ANKRD28: variants seen among roughly 807,000 people sequenced by gnomAD.
ANKRD28 encodes ankyrin repeat domain 28, also known as serine/threonine-protein phosphatase 6 regulatory ankyrin repeat subunit A.
A neutral mutation model predicts 126.5 loss-of-function variants in ANKRD28; 44 were observed. The ratio of observed to expected loss-of-function variants is 0.35; its 90% confidence interval spans 0.27 to 0.45. The LOEUF (loss-of-function observed/expected upper bound fraction) is 0.45, where lower values mean the gene tolerates loss of function less well. Among genes scored for constraint, ANKRD28 ranks in the 20% least tolerant of loss-of-function variants. ANKRD28 has a pLI of 1.00. For synonymous variants in ANKRD28, 442 were observed against 468.5 expected (o/e 0.94, Z 0.73); for missense variants, 1,110 against 1,316.6 (o/e 0.84, Z 2.43).
chr3:15,682,138 T>C (rs1387797480), intron 21 of ANKRD28, among the ~76,000 whole-genome samples: 2 of 152,180 alleles, frequency 1.3e-5, no homozygotes, highest in South Asian at 2.1e-4. Context: ...AAATTAGCTA[T>C]GAAGAGATGT....
intron 4 of ANKRD28, among the ~76,000 whole-genome samples, chr3:15,748,279 C>T (rs1476879423): frequency 6.6e-6 from 1 of 152,032 alleles, no homozygotes. Flanking sequence ...ATTATTGTTA[C>T]ATAGGTCTTG....
intron 6 of ANKRD28, 140 bp downstream of exon 6, chr3:15,735,270 G>T (rs2074940692): frequency 1.7e-6 from 1 of 600,106 alleles, no homozygotes; most frequent in East Asian, 3.1e-5. Flanking sequence ...TACCAGGGTT[G>T]TTCTACCTGG....
intron 18 of ANKRD28, among the ~76,000 whole-genome samples, chr3:15,687,036 T>C (rs2068210610): frequency 1.3e-5 from 2 of 151,458 alleles, no homozygotes; most frequent in Non-Finnish European, 2.9e-5. Flanking sequence ...TTCCGCCTCC[T>C]GGGTTCAAGC....
intron 2 of ANKRD28, among the ~76,000 whole-genome samples, chr3:15,770,415 T>C (rs538937703): frequency 4.7e-5 from 6 of 127,984 alleles, no homozygotes; most frequent in African/African-American, 2.2e-4. Context: ...TATATATACA[T>C]ATATATATAT....
At chr3:15,692,260 G>T (rs2068911213) in intron 17 of ANKRD28, among the ~76,000 whole-genome samples, 1 of 151,988 alleles carries the variant, frequency 6.6e-6, no homozygotes, top group Non-Finnish European at 1.5e-5. Flanking sequence ...AGACTAGCCT[G>T]GGCAACAGTG....
intron 1 of ANKRD28, among the ~76,000 whole-genome samples, chr3:15,825,565 A>G (rs961876737): frequency 6.8e-6 from 1 of 147,168 alleles, no homozygotes; most frequent in African/African-American, 2.7e-5. Context: ...GAAGAAACAG[A>G]ATATTTTTTA....
At chr3:15,741,061 G>C (rs528722705) in intron 4 of ANKRD28, among the ~76,000 whole-genome samples, 13 of 152,056 alleles carry the variant, frequency 8.5e-5, no homozygotes, top group African/African-American at 2.7e-4. Context: ...TAGCCAGGTG[G>C]GGGGGCGGGC....
intron 4 of ANKRD28, among the ~76,000 whole-genome samples, chr3:15,741,702 T>G (rs1213342662): frequency 4.1e-5 from 1 of 24,216 alleles, no homozygotes; most frequent in Non-Finnish European, 9.3e-5. Flanking sequence ...CTATCCTTTT[T>G]TTTTTTTTTT....
intron 4 of ANKRD28, among the ~76,000 whole-genome samples, chr3:15,750,403 A>G (rs2057782819): frequency 6.6e-6 from 1 of 152,216 alleles, no homozygotes; most frequent in Non-Finnish European, 1.5e-5. Flanking sequence ...CTTAGTTTTT[A>G]TAATTCCTAG....
intron 16 of ANKRD28, 79 bp downstream of exon 16, chr3:15,695,109 G>A (rs2069342983): frequency 8.6e-7 from 1 of 1,159,700 alleles, no homozygotes; most frequent in African/African-American, 1.5e-5. Flanking sequence ...CAGCTCTAAT[G>A]AGAGCAAACA....
intron 1 of ANKRD28, among the ~76,000 whole-genome samples, chr3:15,851,718 T>C (rs1156568121): frequency 6.6e-6 from 1 of 152,208 alleles, no homozygotes; most frequent in African/African-American, 2.4e-5. Context: ...GCAGCCACTC[T>C]AGAAAACAGA....
intron 1 of ANKRD28, among the ~76,000 whole-genome samples, chr3:15,836,784 T>C (rs1170663637): frequency 6.6e-6 from 1 of 152,118 alleles, no homozygotes; most frequent in African/African-American, 2.4e-5. Flanking sequence ...CATAAACATA[T>C]GGAGCTAACA....
At chr3:15,734,235 G>C (rs971521344) in intron 6 of ANKRD28, among the ~76,000 whole-genome samples, 20 of 152,188 alleles carry the variant, frequency 1.3e-4, no homozygotes, top group African/African-American at 4.6e-4. Flanking sequence ...ATATATGAGG[G>C]ATGGACTATA....
In ANKRD28 at chr3:15,763,340, C is replaced by G. The variant is rs1251013122; in HGVS notation, c.280+2894G>C. 5.9e-5 allele frequency among the ~76,000 whole-genome samples: 9 copies of G among 152,130 alleles called. 1 individual carries two copies. Among genetic ancestry groups the G allele is most frequent in the Non-Finnish European group, 1.3e-4 (9 of 68,012 alleles). ...TCCATTAAAGACTTGAGAAACAAAC[C>G]AAAATGTAAACAAATTTCTGAAAAG... On this transcript the variant is annotated intron_variant, in intron 3 of 27. Transcript: ENST00000683139.
Position 15,695,147 on chromosome 3 carries a change from G to T in ANKRD28, c.1686+41C>A. 2.7e-6 allele frequency: 4 copies of T among 1,488,098 alleles called. No homozygotes were observed. In the South Asian group the frequency reaches 4.7e-5, roughly 17 times the overall value. 92.2% of individuals were successfully genotyped at this position (1,488,098 alleles called of 1,614,324 possible). On this transcript the variant is annotated intron_variant, in intron 16 of 27. Transcript: ENST00000683139. ...TAAACATAACTGGTAGGAGGGAACT[G>T]ACCAATACTAATTGGTGGGAGGGAA...
In ANKRD28 at chr3:15,845,499, T is replaced by G. The variant is rs929610805; in HGVS notation, c.27+13878A>C. On this transcript the variant is annotated intron_variant, in intron 1 of 27. Transcript: ENST00000399451. This position sits in a 1 kb window ranked among gnomAD's most constrained non-coding sequence, Gnocchi z 4.9. Reference sequence around the variant, plus strand: ...ATCATTCAGGCACTTACAGACATGCTAGTTTCTAACTACCTGCCTATGCCT... The same window carrying G: ...ATCATTCAGGCACTTACAGACATGCGAGTTTCTAACTACCTGCCTATGCCT... Among the ~76,000 whole-genome samples, 1 of 152,200 alleles carries G rather than the reference T, an allele frequency of 6.6e-6. No individual in the cohort carries two copies. The highest frequency in any genetic ancestry group is 2.1e-4 in the South Asian group (1 of 4,826).
upstream of ANKRD28, chr3:15,798,073 G>A: frequency 1.0e-6 from 1 of 985,356 alleles, no homozygotes; most frequent in Non-Finnish European, 1.2e-6. Context: ...CCAGTTCTGT[G>A]ACTAATCCAA....
chr3:15,686,421 T>A, intron 18 of ANKRD28, 112 bp from the exon 19 acceptor site: 1 of 823,974 alleles, frequency 1.2e-6, no homozygotes, highest in Non-Finnish European at 1.9e-6. Flanking sequence ...GCACTGAATT[T>A]AATATGCAAG....
chr3:15,766,768 A>G lies in ANKRD28; in HGVS notation c.202-456T>C, dbSNP rs180909482. On this transcript the variant is annotated intron_variant, in intron 2 of 27. Transcript: ENST00000683139. ...ATACTTGACCTTAAAATAGTGGTAT[A>G]AAGTCCAGCAAAGAATAAAAATAAA... Among the ~76,000 whole-genome samples, 3 of 152,386 alleles carry G rather than the reference A, an allele frequency of 2.0e-5. No homozygotes were observed. In the East Asian group the frequency reaches 5.8e-4, roughly 29 times the overall value.
Sources: allele counts gnomAD v4.1 joint callset (sites outside exome capture counted in the v4.1 genomes callset), GRCh38; gene constraint gnomAD v4.1.1; non-coding constraint Gnocchi (gnomAD v3.1); transcripts MANE v1.5; gene names NCBI Gene and HGNC (gene_info 2026-07-23, HGNC 2026-07-21).